SLC44A2: variants seen among roughly 807,000 people sequenced by gnomAD.
SLC44A2 encodes the protein choline transporter-like protein 2.
SLC44A2 carries 57 observed loss-of-function variants against 90.8 expected under a neutral mutation model. The observed-to-expected ratio is 0.63, with a 90% CI of 0.51 to 0.78. SLC44A2 has a LOEUF of 0.78. SLC44A2 is among the 30% of genes least tolerant of loss of function. SLC44A2 has a pLI of 0.00. For synonymous variants in SLC44A2, 355 were observed against 360.7 expected, an observed-to-expected ratio of 0.98 and a Z score of 0.18; for missense variants, 794 against 919.7, an observed-to-expected ratio of 0.86 and a Z score of 1.77.
intron 1 of SLC44A2, among the ~76,000 whole-genome samples, chr19:10,615,024 T>C (rs985039760): frequency 6.8e-6 from 1 of 146,826 alleles, no homozygotes; most frequent in African/African-American, 2.5e-5. Flanking sequence ...ATTAAGTTGG[T>C]GCAAAAGTAA....
intron 1 of SLC44A2, among the ~76,000 whole-genome samples, chr19:10,602,946 C>T (rs1202378355): frequency 1.3e-5 from 2 of 152,208 alleles, no homozygotes; most frequent in African/African-American, 4.8e-5. Flanking sequence ...TCCATTTCTT[C>T]CTCCTTCCCT....
Position 10,637,679 on chromosome 19 carries a change from T to G in SLC44A2, c.1627T>G (p.Cys543Gly). ...CAAGTTTGCCAAGTGCCTCATGACC[T>G]GTCTCAAATGCTGCTTCTGGTGCCT... The part of the protein sequence containing the change: ...ENKFAKCLMT[C>G]LKCCFWCLEK... The change falls in exon 17 of 22, where the codon TGT becomes GGT. Residue 543 changes from cysteine to glycine, a missense_variant. Physicochemically the swap from Cys to Gly is radical, Grantham distance 159. Around this residue, in one of 3 missense-constraint regions of SLC44A2, gnomAD observed 738 missense variants for 841.1 expected, o/e 0.88. Transcript: ENST00000335757. The G allele has an allele frequency of 1.2e-6, 2 of 1,614,160 alleles. No homozygotes were observed. The highest frequency in any genetic ancestry group is 2.2e-5 in the South Asian group (2 of 91,082).
chr19:10,642,915 A>G, intron 21 of SLC44A2: 1 of 1,593,594 alleles, frequency 6.3e-7, no homozygotes, highest in Non-Finnish European at 8.5e-7. Flanking sequence ...CTGGAAAGGA[A>G]TGACGGCTCT....
chr19:10,617,577 A>T (rs191653826), intron 1 of SLC44A2, among the ~76,000 whole-genome samples: 188 of 152,268 alleles, frequency 1.2e-3, no homozygotes, highest in Middle Eastern at 3.4e-3. Context: ...TTCCTGAGAC[A>T]GCTGAGACTC....
chr19:10,623,706 T>C (rs1358880269), upstream of SLC44A2, among the ~76,000 whole-genome samples: 1 of 151,752 alleles, frequency 6.6e-6, no homozygotes, highest in African/African-American at 2.4e-5. Context: ...TTTTTTTTTT[T>C]TGAGGCGGAG....
intron 1 of SLC44A2, among the ~76,000 whole-genome samples, chr19:10,618,370 T>G (rs2066872009): frequency 6.6e-6 from 1 of 151,306 alleles, no homozygotes; most frequent in Non-Finnish European, 1.5e-5. Context: ...GAGATGGGGT[T>G]TCACCATGTT....
chr19:10,623,263 G>T (rs1418396803), upstream of SLC44A2, among the ~76,000 whole-genome samples: 1 of 152,102 alleles, frequency 6.6e-6, no homozygotes, highest in African/African-American at 2.4e-5. Context: ...TGGTCCAGGT[G>T]TTTAGACAGG....
Position 10,637,706 on chromosome 19 carries a change from G to C in SLC44A2, c.1654G>C (p.Glu552Gln), listed in dbSNP as rs142741358. The part of the protein sequence containing the change: ...TCLKCCFWCL[E>Q]KFIKFLNRNA... ...TCTCAAATGCTGCTTCTGGTGCCTG[G>C]AGAAGTTCATCAAATTCCTTAATAG... The change falls in exon 17 of 22, where the codon GAG (glutamate) becomes CAG (glutamine). Residue 552 changes from glutamate (E) to glutamine (Q), a missense_variant. Transcript: ENST00000335757. 5.7e-3 allele frequency: 9,201 copies of C among 1,614,048 alleles called. 23 individuals are homozygous for C. The highest frequency in any genetic ancestry group is 0.01 in the Middle Eastern group (63 of 6,062).
intron 1 of SLC44A2, among the ~76,000 whole-genome samples, chr19:10,605,813 G>T (rs1043703058): frequency 1.3e-5 from 2 of 151,826 alleles, no homozygotes; most frequent in African/African-American, 4.8e-5. Context: ...GGCCAACATG[G>T]TGAAACCCCG....
At chr19:10,616,197 T>C (rs2066853881) in intron 1 of SLC44A2, among the ~76,000 whole-genome samples, 1 of 151,684 alleles carries the variant, frequency 6.6e-6, no homozygotes, top group South Asian at 2.1e-4. Context: ...TATTATTATG[T>C]TTATTTATTT....
chr19:10,636,832 T>C, intron 16 of SLC44A2, 76 bp downstream of exon 16: 3 of 1,457,892 alleles, frequency 2.1e-6, no homozygotes, highest in Non-Finnish European at 2.8e-6. Context: ...TGGGTCTTGC[T>C]TGGAGGTGGG....
At chr19:10,613,638 G>A (rs961075059) in intron 1 of SLC44A2, among the ~76,000 whole-genome samples, 6 of 152,118 alleles carry the variant, frequency 3.9e-5, no homozygotes, top group Admixed American at 3.3e-4. Flanking sequence ...CTTGAACCCA[G>A]GACTTTGAGA....
chr19:10,614,649 C>T (rs76556953), intron 1 of SLC44A2, among the ~76,000 whole-genome samples: 30 of 152,184 alleles, frequency 2.0e-4, no homozygotes, highest in African/African-American at 6.7e-4. Context: ...TTATATATAT[C>T]GTATTCTTAC....
chr19:10,637,707 A>G lies in SLC44A2; in HGVS notation c.1655A>G (p.Glu552Gly). ...TCLKCCFWCL[E>G]KFIKFLNRNA... ...CTCAAATGCTGCTTCTGGTGCCTGG[A>G]GAAGTTCATCAAATTCCTTAATAGG... Residue 552 changes from glutamate to glycine, a missense_variant, in exon 17 of 22, where the codon GAG becomes GGG. Transcript: ENST00000335757. 6.2e-7 allele frequency: 1 copy of G among 1,614,030 alleles called. No homozygotes were observed. The highest frequency in any genetic ancestry group is 8.5e-7 in the Non-Finnish European group (1 of 1,180,004).
chr19:10,614,122 C>G (rs888927445), intron 1 of SLC44A2, among the ~76,000 whole-genome samples: 1 of 151,884 alleles, frequency 6.6e-6, no homozygotes, highest in African/African-American at 2.4e-5. Flanking sequence ...CACACCACCA[C>G]GCCCAGCTAA....
chr19:10,611,544 G>T (rs947861096), intron 1 of SLC44A2, among the ~76,000 whole-genome samples: 9 of 144,886 alleles, frequency 6.2e-5, no homozygotes, highest in Non-Finnish European at 5.9e-5. Context: ...AAGGTGGGTG[G>T]ATCGTGGTTC....
intron 1 of SLC44A2, among the ~76,000 whole-genome samples, chr19:10,611,565 T>C (rs1167595337): frequency 6.6e-6 from 1 of 152,134 alleles, no homozygotes; most frequent in African/African-American, 2.4e-5. Context: ...ACTCCTATAA[T>C]CCCAGCTGTT....
intron 21 of SLC44A2, chr19:10,643,069 G>C: frequency 6.8e-7 from 1 of 1,473,268 alleles, no homozygotes; most frequent in Non-Finnish European, 8.9e-7. Flanking sequence ...GTAGACTGGG[G>C]GTGCATGAAG....
At chr19:10,625,409 G>C, upstream of SLC44A2, 1 of 1,162,806 alleles carries the variant, frequency 8.6e-7, no homozygotes, top group Non-Finnish European at 1.1e-6. Flanking sequence ...CGGCCGGCCG[G>C]TGAGTGGCGG....
Sources: gnomAD v4.1 joint callset for allele counts (sites outside exome capture counted in the v4.1 genomes callset) on GRCh38, gnomAD v4.1.1 for gene constraint, gnomAD v4.1.1 regional missense constraint, MANE v1.5 for transcripts, NCBI Gene and HGNC (gene_info 2026-07-23, HGNC 2026-07-21) for gene names.